Variants in PRR12 observed in about 807,000 individuals in gnomAD.
PRR12 encodes proline rich 12.
Under a neutral mutation model 138.0 loss-of-function variants are expected in PRR12, and 12 were observed. The ratio of observed to expected loss-of-function variants is 0.09; its 90% CI spans 0.06 to 0.14. PRR12 has a LOEUF of 0.14. PRR12 is among the 10% of genes least tolerant of loss of function. PRR12 has a pLI of 1.00. For synonymous variants in PRR12, 1,567 were observed against 1,291.7 expected (o/e 1.21, Z -4.57); for missense variants, 2,692 against 2,861.3 (o/e 0.94, Z 1.35).
chr19:49,594,059 C>T lies in PRR12; in HGVS notation c.200-395C>T, dbSNP rs2080747803. Among the ~76,000 whole-genome samples the T allele has an allele frequency of 6.6e-6, 1 of 152,146 alleles. No homozygotes were observed. The highest frequency in any genetic ancestry group is 2.1e-4 in the South Asian group (1 of 4,824). ...AATCCTTTCTGACACGTTCTCTGGTCTTTCTTAGACTTCATTGTCCCATCC... is the reference window on the plus strand; with the variant it reads ...AATCCTTTCTGACACGTTCTCTGGTTTTTCTTAGACTTCATTGTCCCATCC... On this transcript the variant is annotated intron_variant, in intron 2 of 13. Coordinates refer to ENST00000418929, the MANE Select transcript of PRR12 (RefSeq NM_020719.3). The surrounding 1 kb of genome is among the most constrained non-coding windows in gnomAD (Gnocchi z 5.6).
chr19:49,615,093 G>A (rs1302747016), intron 8 of PRR12, 84 bp downstream of exon 8: 3 of 1,570,990 alleles, frequency 1.9e-6, no homozygotes, highest in Non-Finnish European at 1.7e-6. Context: ...GAAGGCTGGA[G>A]AGTGGGGGGT....
At position 49,596,914 on chromosome 19, in the gene PRR12, A is replaced by G. The variant is rs2122298361; in HGVS notation, c.2579A>G (p.Glu860Gly). The G allele has an allele frequency of 6.8e-7, 1 of 1,467,598 alleles. No individual in the cohort carries two copies. The highest frequency in any genetic ancestry group is 1.2e-5 in the South Asian group (1 of 84,102). 90.9% of individuals were successfully genotyped at this position (1,467,598 alleles called of 1,614,324 possible). The change falls in exon 4 of 14, where the codon GAG becomes GGG. Residue 860 changes from glutamate to glycine, a missense_variant. This residue lies in a region of PRR12 where 840 missense variants were observed against 689.8 expected (regional missense o/e 1.22). Transcript: ENST00000418929. This position sits in a 1 kb window ranked among gnomAD's most constrained non-coding sequence, Gnocchi z 5.6. ...LEAHLRSHGLEPAAPSPRLRP... is the reference protein window; with the variant it reads ...LEAHLRSHGLGPAAPSPRLRP... ...GCCCACCTCCGCAGCCATGGCCTGG[A>G]GCCCGCGGCCCCCAGCCCCCGCCTG...
chr19:49,596,424 A>G lies in PRR12; in HGVS notation c.2089A>G (p.Arg697Gly), dbSNP rs770071734. The G allele has an allele frequency of 6.2e-7, 1 of 1,609,936 alleles. No individual in the cohort carries two copies. The highest frequency in any genetic ancestry group is 1.1e-5 in the South Asian group (1 of 90,862). The change falls in exon 4 of 14, where the codon AGG becomes GGG. Residue 697 changes from arginine (R) to glycine (G), a missense_variant. Physicochemically the swap from Arg to Gly is moderately radical, Grantham distance 125. This residue lies in a region of PRR12 where 840 missense variants were observed against 689.8 expected (regional missense o/e 1.22). Coordinates refer to ENST00000418929, the MANE Select transcript of PRR12 (RefSeq NM_020719.3). This position sits in a 1 kb window ranked among gnomAD's most constrained non-coding sequence, Gnocchi z 5.6. Reference sequence around the variant, plus strand: ...CGAGTTGGCCAAGGAAGACCCCCAGAGGTACCACCTGCAGAGTGTCATCCG... The same window carrying G: ...CGAGTTGGCCAAGGAAGACCCCCAGGGGTACCACCTGCAGAGTGTCATCCG... ...PYELAKEDPQRYHLQSVIRTS... is the reference protein window; with the variant it reads ...PYELAKEDPQGYHLQSVIRTS...
At position 49,596,780 on chromosome 19, in the gene PRR12, C is replaced by A. The variant is rs761022240; in HGVS notation, c.2445C>A (p.Ser815Arg). 3.7e-6 allele frequency: 6 copies of A among 1,602,890 alleles called. No homozygotes were observed. Among genetic ancestry groups the A allele is most frequent in the Non-Finnish European group, 5.1e-6 (6 of 1,179,256 alleles). ...VLSHAPSPSP[S>R]ASKVGVHLLE... ...GCCATGCCCCCAGTCCCTCTCCCAG[C>A]GCCTCCAAAGTCGGCGTCCACCTCC... is the stretch of plus-strand genomic sequence containing the variant. The change falls in exon 4 of 14, where the codon AGC (serine) becomes AGA (arginine). Residue 815 changes from serine to arginine, a missense_variant. Coordinates refer to ENST00000418929, the MANE Select transcript of PRR12 (RefSeq NM_020719.3). The surrounding 1 kb of genome is among the most constrained non-coding windows in gnomAD (Gnocchi z 5.6).
rs2080810829 is a variant in PRR12 at position 49,601,603 on chromosome 19, C to G, written c.4458C>G (p.Pro1486=). The change falls in exon 6 of 14, where the codon CCC becomes CCG. Residue 1486 remains proline, a synonymous_variant. Coordinates refer to ENST00000418929, the MANE Select transcript of PRR12 (RefSeq NM_020719.3). ...PPPQPALPSP[P]PLVAPTPSSP... ...CACAGCCAGCCCTGCCCTCGCCACC[C>G]CCGCTGGTGGCCCCCACGCCCAGCT... 6.5e-7 allele frequency: 1 copy of G among 1,542,552 alleles called. No homozygotes were observed. The highest frequency in any genetic ancestry group is 8.7e-7 in the Non-Finnish European group (1 of 1,144,168).
Position 49,597,329 on chromosome 19 carries a change from G to A in PRR12, c.2994G>A (p.Ala998=), listed in dbSNP as rs770543517. ...DPYGPYCPGR[A]SGAGPETPGL... ...ATGGGCCCTACTGTCCTGGCCGGGC[G>A]TCGGGAGCCGGGCCCGAGACACCGG... The change falls in exon 4 of 14, where the codon GCG becomes GCA. Residue 998 remains alanine, a synonymous_variant. Coordinates refer to ENST00000418929, the MANE Select transcript of PRR12 (RefSeq NM_020719.3). This position sits in a 1 kb window ranked among gnomAD's most constrained non-coding sequence, Gnocchi z 6.3. 4 of 1,544,488 alleles carry A rather than the reference G, an allele frequency of 2.6e-6. No homozygotes were observed. The highest frequency in any genetic ancestry group is 2.7e-5 in the African/African-American group (2 of 73,190).
rs752232342 is a variant in PRR12 at position 49,601,739 on chromosome 19, G to T, written c.4594G>T (p.Ala1532Ser). The T allele has an allele frequency of 1.3e-6, 2 of 1,552,548 alleles. No individual in the cohort carries two copies. The highest frequency in any genetic ancestry group is 2.4e-5 in the East Asian group (1 of 41,522). ...PLAAPPEEPA[A>S]PSPEDPELPD... ...GGCTGCTCCTCCTGAGGAGCCCGCCGCCCCGTCTCCCGAAGACCCCGAGCT... is the reference window on the plus strand; with the variant it reads ...GGCTGCTCCTCCTGAGGAGCCCGCCTCCCCGTCTCCCGAAGACCCCGAGCT... Residue 1532 changes from alanine to serine, a missense_variant, in exon 6 of 14, where the codon GCC becomes TCC. This residue lies in a region of PRR12 where 231 missense variants were observed against 200.8 expected (regional missense o/e 1.15). Coordinates refer to ENST00000418929, the MANE Select transcript of PRR12 (RefSeq NM_020719.3).
intron 6 of PRR12, among the ~76,000 whole-genome samples, chr19:49,610,077 C>T (rs941276828): frequency 3.2e-4 from 49 of 152,042 alleles, no homozygotes; most frequent in Admixed American, 2.6e-4. Context: ...CAGGTTCAAG[C>T]GATTCTCCTG....
At chr19:49,608,615 C>T (rs182942701) in intron 6 of PRR12, among the ~76,000 whole-genome samples, 58 of 152,138 alleles carry the variant, frequency 3.8e-4, no homozygotes, top group Admixed American at 1.0e-3. Flanking sequence ...GTGATCCGCC[C>T]GACTTAGCCT....
Position 49,615,996 on chromosome 19 carries a change from G to A in PRR12, c.5274G>A (p.Arg1758=), listed in dbSNP as rs554770025. ...TRGERPLRGE[R]ATSGRQTRPE... is the part of the protein sequence containing the mutation. ...GAGAGCGGCCATTGCGGGGTGAGCG[G>A]GCCACCAGCGGACGGCAGACACGGC... is the stretch of plus-strand genomic sequence containing the variant. The change falls in exon 9 of 14, where the codon CGG becomes CGA. Residue 1758 remains arginine (R), a synonymous_variant. Transcript: ENST00000418929. 1.9e-6 allele frequency: 3 copies of A among 1,552,888 alleles called. No individual in the cohort carries two copies. In the Admixed American group the frequency reaches 5.9e-5, roughly 30 times the overall value.
At chr19:49,604,602 T>TG (rs2080828960) in intron 6 of PRR12, among the ~76,000 whole-genome samples, 1 of 151,754 alleles carries the variant, frequency 6.6e-6, no homozygotes, top group African/African-American at 2.4e-5. Flanking sequence ...TGCTTGAACC[T>TG]GGGAGGCGGA....
intron 2 of PRR12, 56 bp downstream of exon 2, chr19:49,593,495 G>A: frequency 1.3e-6 from 1 of 758,238 alleles, no homozygotes. Context: ...CCCCGAGGCA[G>A]CTGATTGGCT....
In PRR12 at chr19:49,599,949, G is replaced by A. The variant is rs533973405; in HGVS notation, c.4345+11G>A. 13 of 1,583,534 alleles carry A rather than the reference G, an allele frequency of 8.2e-6. No homozygotes were observed. The highest frequency in any genetic ancestry group is 6.7e-5 in the African/African-American group (5 of 74,110). On this transcript the variant is annotated intron_variant, in intron 5 of 13. Coordinates refer to ENST00000418929, the MANE Select transcript of PRR12 (RefSeq NM_020719.3). This position sits in a 1 kb window ranked among gnomAD's most constrained non-coding sequence, Gnocchi z 5.0. ...GCAATGGCACTCCCGGTGAGCTCTGGGCAGGTGGTCTGGGAGTAGAGCTTA... is the reference window on the plus strand; with the variant it reads ...GCAATGGCACTCCCGGTGAGCTCTGAGCAGGTGGTCTGGGAGTAGAGCTTA...
At chr19:49,598,927 T>C (rs2080793583) in intron 4 of PRR12, among the ~76,000 whole-genome samples, 1 of 152,182 alleles carries the variant, frequency 6.6e-6, no homozygotes, top group South Asian at 2.1e-4. Context: ...CCCAAGGTGC[T>C]GGGATTACAG....
Position 49,596,600 on chromosome 19 carries a change from G to A in PRR12, c.2265G>A (p.Glu755=). The A allele has an allele frequency of 6.3e-7, 1 of 1,594,322 alleles. No individual in the cohort carries two copies. Among genetic ancestry groups the A allele is most frequent in the Non-Finnish European group, 8.5e-7 (1 of 1,170,968 alleles). ...TCCACTACGGGGCAGGCGCCAAGGA[G>A]CTGGGGGCCTTCTTGCAAAAGAGCC... The part of the protein sequence containing the change: ...SVVHYGAGAK[E]LGAFLQKSPP... Residue 755 remains glutamate (E), a synonymous_variant, in exon 4 of 14, where the codon GAG becomes GAA. Coordinates refer to ENST00000418929, the MANE Select transcript of PRR12 (RefSeq NM_020719.3). This position sits in a 1 kb window ranked among gnomAD's most constrained non-coding sequence, Gnocchi z 5.6.
In PRR12 at chr19:49,615,772, G is replaced by T; in HGVS notation, c.5050G>T (p.Val1684Leu). The T allele has an allele frequency of 6.2e-7, 1 of 1,612,806 alleles. No individual in the cohort carries two copies. The change falls in exon 9 of 14, where the codon GTA (valine) becomes TTA (leucine). Residue 1684 changes from valine (V) to leucine (L), a missense_variant. Physicochemically the swap from Val to Leu is conservative, Grantham distance 32. Coordinates refer to ENST00000418929, the MANE Select transcript of PRR12 (RefSeq NM_020719.3). ...VRRSGQAKNP[V>L]SAGGSSAPPP... is the part of the protein sequence containing the mutation. ...ACGCTCTGGGCAGGCCAAGAACCCCGTATCTGCTGGGGGTAGCTCTGCACC... is the reference window on the plus strand; with the variant it reads ...ACGCTCTGGGCAGGCCAAGAACCCCTTATCTGCTGGGGGTAGCTCTGCACC...
At position 49,621,690 on chromosome 19, in the gene PRR12, G is replaced by C. The variant is rs577429986; in HGVS notation, c.5721+68G>C. The C allele has an allele frequency of 6.5e-5, 83 of 1,286,190 alleles. No individual in the cohort carries two copies. In the African/African-American group the frequency reaches 1.1e-3, roughly 17 times the overall value. 79.7% of individuals were successfully genotyped at this position (1,286,190 alleles called of 1,614,324 possible). A position where few individuals can be genotyped will look rare whatever the true frequency, so the allele number is the denominator to read the frequency against. On this transcript the variant is annotated intron_variant, in intron 11 of 13. Coordinates refer to ENST00000418929, the MANE Select transcript of PRR12 (RefSeq NM_020719.3). ...CACATGGAGAAGACATGTACGTGTCGGCCGCTGTTGGCGGGGGTGATCCTT... is the reference window on the plus strand; with the variant it reads ...CACATGGAGAAGACATGTACGTGTCCGCCGCTGTTGGCGGGGGTGATCCTT...
rs1203709786 is a variant in PRR12, at chr19:49,599,580, C to A, written c.3987C>A (p.Thr1329=). The change falls in exon 5 of 14, where the codon ACC becomes ACA. Residue 1329 remains threonine, a synonymous_variant. Transcript: ENST00000418929. The surrounding 1 kb of genome is among the most constrained non-coding windows in gnomAD (Gnocchi z 5.0). ...GCCTGCAGCCCCAGCCCCCTGCCAC[C>A]CCTGCTGTGCCACATCCCCCACCTT... The part of the protein sequence containing the change: ...ARGLQPQPPA[T]PAVPHPPPSG... 6.3e-7 allele frequency: 1 copy of A among 1,595,382 alleles called. No individual in the cohort carries two copies. Among genetic ancestry groups the A allele is most frequent in the Non-Finnish European group, 8.5e-7 (1 of 1,170,720 alleles).
In PRR12 at chr19:49,597,998, C is replaced by A; in HGVS notation, c.3663C>A (p.Pro1221=). 1 of 1,386,238 alleles carries A rather than the reference C, an allele frequency of 7.2e-7. No individual in the cohort carries two copies. Among genetic ancestry groups the A allele is most frequent in the South Asian group, 1.9e-5 (1 of 53,562 alleles). The allele number at this position is 1,386,238 out of a possible 1,614,324, so 85.9% of individuals were successfully genotyped here. Residue 1221 remains proline (P), a synonymous_variant, in exon 4 of 14, where the codon CCC becomes CCA. Transcript: ENST00000418929. This position sits in a 1 kb window ranked among gnomAD's most constrained non-coding sequence, Gnocchi z 6.3. ...AGGCAGGGGGCACCCGGTTGGAGCC[C>A]CTGAAGCCACTTAAGGTGAGGGGAA... ...AEEAGGTRLE[P]LKPLKIKLSV... is the part of the protein sequence containing the mutation.
Sources: gnomAD v4.1 joint callset for allele counts (sites outside exome capture counted in the v4.1 genomes callset) on GRCh38, gnomAD v4.1.1 for gene constraint, gnomAD v4.1.1 regional missense constraint, Gnocchi (gnomAD v3.1) non-coding constraint, MANE v1.5 for transcripts, NCBI Gene and HGNC (gene_info 2026-07-23, HGNC 2026-07-21) for gene names.